The following KCP variants were observed in gnomAD, a reference collection of about 807,000 sequenced individuals.
KCP encodes the protein kielin cysteine rich BMP regulator.
Under a neutral mutation model 212.7 loss-of-function variants are expected in KCP, and 194 were observed. The ratio of observed to expected loss-of-function variants is 0.91; its 90% confidence interval spans 0.81 to 1.03. The LOEUF is 1.03. Among genes scored for constraint, KCP ranks in the 50% least tolerant of loss-of-function variants. The pLI is 0.00. For missense variants in KCP, 2,080 were observed against 2,162.5 expected, an observed-to-expected ratio of 0.96 and a Z score of 0.76; for synonymous variants, 833 against 865.3, an observed-to-expected ratio of 0.96 and a Z score of 0.65.
intron 22 of KCP, 36 bp downstream of exon 22, chr7:128,888,827 C>T (rs1793905785): frequency 1.3e-6 from 2 of 1,537,080 alleles, no homozygotes; most frequent in Non-Finnish European, 8.8e-7. Context: ...CCCGGGAGCC[C>T]CAGCAGGGGG....
intron 26 of KCP, among the ~76,000 whole-genome samples, 156 bp from the exon 27 acceptor site, chr7:128,885,426 G>A (rs28716550): frequency 0.035 from 5,281 of 152,280 alleles, 293 homozygotes; most frequent in African/African-American, 0.11. Flanking sequence ...CCTGTCTGTT[G>A]TGGAGGGGAA....
chr7:128,905,437 A>G (rs117158823), intron 5 of KCP, among the ~76,000 whole-genome samples: 4,506 of 151,722 alleles, frequency 0.03, 113 homozygotes, highest in Non-Finnish European at 0.038. Context: ...TCATGTCCCC[A>G]GCACCACTGC....
Position 128,881,941 on chromosome 7 carries a change from C to A in KCP, c.3320G>T (p.Cys1107Phe), listed in dbSNP as rs1039307063. Reference protein sequence around the residue: ...APPDPCYTCQCQDLTWLCIHQ... With the variant: ...APPDPCYTCQFQDLTWLCIHQ... ...CCCCAAGGCAGGAGGGCTCACCTGG[C>A]ACTGGCACGTGTAGCAGGGGTCTGG... Residue 1107 changes from cysteine (C) to phenylalanine (F), a missense_variant, in exon 30 of 40, where the codon TGC (cysteine) becomes TTC (phenylalanine). Physicochemically the swap from Cys to Phe is radical, Grantham distance 205 (BLOSUM62 -2). Transcript: ENST00000610776. 6.4e-7 allele frequency: 1 copy of A among 1,551,126 alleles called. No homozygotes were observed. The highest frequency in any genetic ancestry group is 1.4e-5 in the African/African-American group (1 of 73,004).
In KCP at chr7:128,877,023, T is replaced by G. The variant is rs1309518695; in HGVS notation, c.*20A>C. ...GGGAGACTCCTGGCCTGATGAACCC[T>G]TATCAGGCACTGTCCTGGCTCAGGG... On this transcript the variant is annotated 3_prime_UTR_variant, in exon 40 of 40. Coordinates refer to ENST00000610776, the MANE Select transcript of KCP (RefSeq NM_001366122.1). 1 of 1,536,802 alleles carries G rather than the reference T, an allele frequency of 6.5e-7. No homozygotes were observed. The highest frequency in any genetic ancestry group is 2.5e-5 in the East Asian group (1 of 40,630).
chr7:128,891,123 G>A, intron 19 of KCP, 27 bp from the exon 20 acceptor site: 1 of 1,522,636 alleles, frequency 6.6e-7, no homozygotes, highest in Non-Finnish European at 8.8e-7. Context: ...CATCAAAGGG[G>A]CCCAGGAACA....
At chr7:128,882,093 G>T in intron 29 of KCP, 77 bp from the exon 30 acceptor site, 2 of 1,105,496 alleles carry the variant, frequency 1.8e-6, no homozygotes, top group Non-Finnish European at 2.7e-6. Flanking sequence ...CCCATGCACT[G>T]TGTCCCCAGG....
intron 4 of KCP, 66 bp downstream of exon 4, chr7:128,907,035 G>T: frequency 6.9e-7 from 1 of 1,446,314 alleles, no homozygotes; most frequent in Non-Finnish European, 9.4e-7. Context: ...GTGCCACGCT[G>T]CAGTGACAGG....
intron 2 of KCP, 63 bp from the exon 3 acceptor site, chr7:128,907,516 TGAGG>T: frequency 1.7e-6 from 2 of 1,164,444 alleles, no homozygotes; most frequent in Non-Finnish European, 2.3e-6. Flanking sequence ...CCAGTAGAGA[TGAGG>T]GGTGTGAAAA....
At chr7:128,887,540 A>G (rs975793052) in intron 22 of KCP, among the ~76,000 whole-genome samples, 10 of 148,706 alleles carry the variant, frequency 6.7e-5, no homozygotes, top group African/African-American at 2.5e-4. Context: ...ACCTGCCATC[A>G]ACAGAACTGC....
intron 22 of KCP, among the ~76,000 whole-genome samples, chr7:128,888,144 CCACA>C (rs1280327456): frequency 9.5e-6 from 1 of 105,742 alleles, no homozygotes; most frequent in South Asian, 3.3e-4. Context: ...ACACACAGGG[CCACA>C]CACACATACA....
In KCP at chr7:128,903,811, C is replaced by G; in HGVS notation, c.664G>C (p.Val222Leu). Residue 222 changes from valine (V) to leucine (L), a missense_variant, in exon 7 of 40, where the codon GTT becomes CTT. Transcript: ENST00000610776. Reference protein sequence around the residue: ...CLQCTCLRSRVRCMALKCPPS... With the variant: ...CLQCTCLRSRLRCMALKCPPS... ...GGGCACTTCAGGGCCATGCAGCGAA[C>G]TCGGCTCCTCTGTAATGCACCAGTG... is the stretch of plus-strand genomic sequence containing the variant. The G allele has an allele frequency of 6.6e-7, 1 of 1,525,628 alleles. No individual in the cohort carries two copies. Among genetic ancestry groups the G allele is most frequent in the Non-Finnish European group, 8.8e-7 (1 of 1,131,620 alleles). 94.5% of individuals were successfully genotyped at this position (1,525,628 alleles called of 1,614,324 possible).
chr7:128,907,005 C>A, intron 4 of KCP, 96 bp downstream of exon 4: 1 of 1,197,104 alleles, frequency 8.4e-7, no homozygotes, highest in Non-Finnish European at 1.2e-6. Context: ...GCAGGCAGAG[C>A]CCATTATGCG....
At chr7:128,882,965 G>T (rs1005983732) in intron 29 of KCP, among the ~76,000 whole-genome samples, 1 of 127,316 alleles carries the variant, frequency 7.9e-6, no homozygotes, top group Admixed American at 7.3e-5. Flanking sequence ...CCAGCTACTC[G>T]GGAGGCTGAG....
intron 3 of KCP, 41 bp downstream of exon 3, chr7:128,907,223 G>C (rs1472845473): frequency 6.5e-7 from 1 of 1,540,250 alleles, no homozygotes; most frequent in Admixed American, 2.0e-5. Flanking sequence ...CCATCTGCAG[G>C]TCTTTAGGTG....
intron 26 of KCP, among the ~76,000 whole-genome samples, 173 bp from the exon 27 acceptor site, chr7:128,885,443 T>C (rs1052004495): frequency 6.6e-6 from 1 of 152,096 alleles, no homozygotes; most frequent in African/African-American, 2.4e-5. Context: ...GGAAAGGCAC[T>C]GGGAGGGGTT....
chr7:128,887,000 G>A, intron 23 of KCP, 34 bp from the exon 24 acceptor site: 6 of 1,173,692 alleles, frequency 5.1e-6, no homozygotes, highest in Non-Finnish European at 7.4e-6. Context: ...CCCTCAACTG[G>A]ACTGCACATT....
In KCP at chr7:128,907,397, T is replaced by G. The variant is rs990888557; in HGVS notation, c.276A>C (p.Ala92=). Residue 92 remains alanine, a synonymous_variant, in exon 3 of 40, where the codon GCA becomes GCC. Transcript: ENST00000610776. The part of the protein sequence containing the change: ...RQLESCECHP[A]SPQCWGLGRA... ...GCCCCAGCCCCCAGCACTGGGGAGA[T>G]GCAGGGTGGCACTCACAGGACTCCA... is the stretch of plus-strand genomic sequence containing the variant. 1 of 1,529,296 alleles carries G rather than the reference T, an allele frequency of 6.5e-7. No individual in the cohort carries two copies. Among genetic ancestry groups the G allele is most frequent in the African/African-American group, 1.4e-5 (1 of 72,612 alleles). 94.7% of individuals were successfully genotyped at this position (1,529,296 alleles called of 1,614,324 possible). A position where few individuals can be genotyped will look rare whatever the true frequency, so the allele number is the denominator to read the frequency against.
Position 128,879,584 on chromosome 7 carries a change from G to C in KCP, c.4084C>G (p.Pro1362Ala). ...CCTCGCAGCTCCACATACAGCAGCG[G>C]CTCCTGCAGGAAGGGCAAGGCCACC... The part of the protein sequence containing the change: ...HPVALPFLQE[P>A]LLYVELRGHT... The change falls in exon 37 of 40, where the codon CCG (proline) becomes GCG (alanine). Residue 1362 changes from proline to alanine, a missense_variant. Coordinates refer to ENST00000610776, the MANE Select transcript of KCP (RefSeq NM_001366122.1). The C allele has an allele frequency of 1.9e-6, 3 of 1,550,536 alleles. No homozygotes were observed. Among genetic ancestry groups the C allele is most frequent in the Non-Finnish European group, 1.7e-6 (2 of 1,146,980 alleles).
chr7:128,903,645 C>G (rs1197920047), intron 7 of KCP, 82 bp downstream of exon 7: 1 of 1,194,032 alleles, frequency 8.4e-7, no homozygotes, highest in Non-Finnish European at 1.2e-6. Context: ...CCACTGGAGG[C>G]CGGCAAGGTG....
Sources: allele counts gnomAD v4.1 joint callset (sites outside exome capture counted in the v4.1 genomes callset), GRCh38; gene constraint gnomAD v4.1.1; transcripts MANE v1.5; gene names NCBI Gene and HGNC (gene_info 2026-07-23, HGNC 2026-07-21).